Variants in ST6GAL1 observed in about 807,000 individuals in gnomAD.
The protein encoded by ST6GAL1 is beta-galactoside alpha-2,6-sialyltransferase 1.
Under a neutral mutation model 38.0 loss-of-function variants are expected in ST6GAL1, and 20 were observed. The ratio of observed to expected loss-of-function variants is 0.53; its 90% CI spans 0.37 to 0.77. The LOEUF is 0.77. Among genes scored for constraint, ST6GAL1 ranks in the 30% least tolerant of loss-of-function variants. ST6GAL1 has a pLI of 0.00. For synonymous variants in ST6GAL1, 196 were observed against 188.2 expected (o/e 1.04, Z -0.34); for missense variants, 432 against 496.4 (o/e 0.87, Z 1.23).
At position 187,066,174 on chromosome 3, in the gene ST6GAL1, A is replaced by G. The variant is rs921908328; in HGVS notation, c.706-6675A>G. On this transcript the variant is annotated intron_variant, in intron 5 of 7. Coordinates refer to ENST00000169298, the MANE Select transcript of ST6GAL1 (RefSeq NM_173216.2). ...TGATGGAACCCCTGCCATACAGTCT[A>G]TTAATATCATAATTGGAGCTAAAAT... Among the ~76,000 whole-genome samples, 5 of 152,314 alleles carry G rather than the reference A, an allele frequency of 3.3e-5. No individual in the cohort carries two copies. The South Asian group carries it at 6.2e-4, about 19-fold the overall frequency.
chr3:186,993,473 A>G (rs1282340928), intron 2 of ST6GAL1, among the ~76,000 whole-genome samples: 1 of 152,258 alleles, frequency 6.6e-6, no homozygotes, highest in Non-Finnish European at 1.5e-5. Context: ...AAAACTAAAC[A>G]GAGGTGCAGA....
At chr3:187,051,468 C>T (rs559561260) in intron 5 of ST6GAL1, 122 bp downstream of exon 5, 3 of 792,410 alleles carry the variant, frequency 3.8e-6, no homozygotes, top group African/African-American at 3.5e-5. Flanking sequence ...TTCCTGAGTT[C>T]CTGATTCCTC....
intron 2 of ST6GAL1, among the ~76,000 whole-genome samples, chr3:187,022,356 T>TG (rs1717350414): frequency 6.6e-6 from 1 of 152,062 alleles, no homozygotes; most frequent in Admixed American, 6.5e-5. Flanking sequence ...ACACAGGGAC[T>TG]TGGGGGGTAG....
chr3:187,014,599 A>G (rs1350627072), intron 2 of ST6GAL1, among the ~76,000 whole-genome samples: 5 of 152,230 alleles, frequency 3.3e-5, no homozygotes, highest in Non-Finnish European at 7.3e-5. Context: ...GTGCTTGGTC[A>G]GCATGCAGGA....
At chr3:187,024,489 TATATAGAG>T (rs60727785) in intron 2 of ST6GAL1, among the ~76,000 whole-genome samples, 5,082 of 90,858 alleles carry the variant, frequency 0.056, 102 homozygotes, top group Admixed American at 0.082. Context: ...TATATATATA[TATATAGAG>T]AGAGAGAGAG....
At chr3:186,955,461 A>G (rs1040447762) in intron 1 of ST6GAL1, among the ~76,000 whole-genome samples, 3 of 151,798 alleles carry the variant, frequency 2.0e-5, no homozygotes, top group African/African-American at 7.3e-5. Context: ...CTTCCTATCC[A>G]CAAGCACGGA....
At chr3:186,936,270 T>G (rs921040379) in intron 1 of ST6GAL1, among the ~76,000 whole-genome samples, 2 of 152,156 alleles carry the variant, frequency 1.3e-5, no homozygotes, top group African/African-American at 4.8e-5. Context: ...TCCATAAATA[T>G]GAGGACATGG....
intron 2 of ST6GAL1, among the ~76,000 whole-genome samples, chr3:186,973,308 T>C (rs1304340381): frequency 6.6e-6 from 1 of 152,184 alleles, no homozygotes; most frequent in Non-Finnish European, 1.5e-5. Context: ...ACTGCTGGGA[T>C]TACAGGCGTG....
At chr3:186,978,377 C>T (rs1355294069) in intron 2 of ST6GAL1, among the ~76,000 whole-genome samples, 1 of 152,144 alleles carries the variant, frequency 6.6e-6, no homozygotes, top group African/African-American at 2.4e-5. Context: ...CATCATATTT[C>T]TCTGACTCCT....
At chr3:187,073,678 A>C (rs1419814633) in intron 6 of ST6GAL1, 1 of 153,630 alleles carries the variant, frequency 6.5e-6, no homozygotes, top group Non-Finnish European at 1.4e-5. Context: ...TGGATCTACC[A>C]ATGCCTGACA....
At chr3:187,040,897 A>G (rs562557241) in intron 3 of ST6GAL1, among the ~76,000 whole-genome samples, 59 of 152,270 alleles carry the variant, frequency 3.9e-4, no homozygotes, top group African/African-American at 1.3e-3. Flanking sequence ...GGGATGGTGG[A>G]AGCACTGCTT....
intron 2 of ST6GAL1, 128 bp from the exon 3 acceptor site, chr3:187,038,614 C>T (rs1436723330): frequency 6.6e-6 from 1 of 152,246 alleles, no homozygotes; most frequent in Non-Finnish European, 1.5e-5. Context: ...GCCCTGGAGG[C>T]TTCCTGGATT....
At chr3:187,046,252 A>G (rs1718293173) in intron 4 of ST6GAL1, among the ~76,000 whole-genome samples, 2 of 152,284 alleles carry the variant, frequency 1.3e-5, no homozygotes, top group South Asian at 4.1e-4. Context: ...AATGATCTTG[A>G]GTGAGAGGCA....
intron 2 of ST6GAL1, among the ~76,000 whole-genome samples, chr3:187,008,172 T>C (rs1716843409): frequency 6.6e-6 from 1 of 152,060 alleles, no homozygotes; most frequent in African/African-American, 2.4e-5. Context: ...TCTTCACAAA[T>C]TGAAGAATCT....
At chr3:187,034,658 T>C (rs1192447693) in intron 2 of ST6GAL1, among the ~76,000 whole-genome samples, 2 of 152,202 alleles carry the variant, frequency 1.3e-5, no homozygotes, top group East Asian at 3.8e-4. Context: ...AAAAGCCATA[T>C]GATCATCTCA....
intron 1 of ST6GAL1, among the ~76,000 whole-genome samples, chr3:186,956,318 TGGACTGATGTGA>T (rs978196430): frequency 6.6e-6 from 1 of 152,216 alleles, no homozygotes; most frequent in African/African-American, 2.4e-5. Context: ...AAACCTGATT[TGGACTGATGTGA>T]GGCTATTTAT....
At chr3:187,069,590 G>A (rs1437869841) in intron 5 of ST6GAL1, among the ~76,000 whole-genome samples, 1 of 152,138 alleles carries the variant, frequency 6.6e-6, no homozygotes, top group East Asian at 1.9e-4. Flanking sequence ...TTTCTTAGGT[G>A]ACAACAGGAG....
At chr3:186,937,512 G>A (rs1196565674) in intron 1 of ST6GAL1, among the ~76,000 whole-genome samples, 2 of 152,172 alleles carry the variant, frequency 1.3e-5, no homozygotes, top group Admixed American at 1.3e-4. Flanking sequence ...TGTTAAATGA[G>A]CAACTCCAAG....
intron 4 of ST6GAL1, among the ~76,000 whole-genome samples, chr3:187,048,614 A>G (rs1186060650): frequency 6.6e-6 from 1 of 152,186 alleles, no homozygotes; most frequent in Non-Finnish European, 1.5e-5. Context: ...TTTACTGTCT[A>G]TGTCCGTGCA....
Sources: gnomAD v4.1 joint callset for allele counts (sites outside exome capture counted in the v4.1 genomes callset) on GRCh38, gnomAD v4.1.1 for gene constraint, MANE v1.5 for transcripts, NCBI Gene and HGNC (gene_info 2026-07-23, HGNC 2026-07-21) for gene names.